APBB2: variants seen among roughly 807,000 people sequenced by gnomAD.
The protein encoded by APBB2 is Fe65-like 1.
In APBB2, 38 loss-of-function variants were observed where a neutral mutation model predicts 82.5. The observed-to-expected ratio is 0.46, with a 90% CI of 0.36 to 0.60. APBB2 has a LOEUF of 0.60. Among genes scored for constraint, APBB2 ranks in the 20% least tolerant of loss-of-function variants. The probability of loss-of-function intolerance (pLI) is 0.00; values close to 1 mark genes in which losing one functional copy is unlikely to be tolerated. For missense variants in APBB2, 772 were observed against 972.3 expected (o/e 0.79, Z 2.74); for synonymous variants, 341 against 368.2 (o/e 0.93, Z 0.85).
chr4:41,111,250 A>G (rs113510842), intron 2 of APBB2, among the ~76,000 whole-genome samples: 125 of 152,320 alleles, frequency 8.2e-4, no homozygotes, highest in Non-Finnish European at 1.4e-3. Flanking sequence ...CCCTGTTCCT[A>G]ACAGACCACA....
At position 40,826,949 on chromosome 4, in the gene APBB2, C is replaced by A; in HGVS notation, c.1732+183G>T. 1 of 579,380 alleles carries A rather than the reference C, an allele frequency of 1.7e-6. No individual in the cohort carries two copies. Among genetic ancestry groups the A allele is most frequent in the Non-Finnish European group, 3.1e-6 (1 of 323,988 alleles). 35.9% of individuals were successfully genotyped at this position (579,380 alleles called of 1,614,324 possible). A position where few individuals can be genotyped will look rare whatever the true frequency, so the allele number is the denominator to read the frequency against. ...AAACTCATCCTGGCTTTATGCCTAA[C>A]CCTAGTGATGCAAAATCAACTCTGT... On this transcript the variant is annotated intron_variant, in intron 14 of 17. Transcript: ENST00000508593. This position sits in a 1 kb window ranked among gnomAD's most constrained non-coding sequence, Gnocchi z 4.5.
chr4:40,935,186 G>GA, intron 7 of APBB2, 47 bp from the exon 8 acceptor site: 3 of 1,157,678 alleles, frequency 2.6e-6, no homozygotes, highest in African/African-American at 1.8e-5. Flanking sequence ...TTGATTTAAA[G>GA]AAAAAGAAAA....
At chr4:41,184,048 C>T (rs1772184207) in intron 1 of APBB2, among the ~76,000 whole-genome samples, 2 of 151,768 alleles carry the variant, frequency 1.3e-5, no homozygotes, top group Non-Finnish European at 1.5e-5. Flanking sequence ...GCATTAGATT[C>T]CCATAAAGAG....
At chr4:41,165,192 G>C (rs541646367) in intron 1 of APBB2, among the ~76,000 whole-genome samples, 1 of 146,494 alleles carries the variant, frequency 6.8e-6, no homozygotes, top group East Asian at 1.9e-4. Flanking sequence ...CCATTGTAGC[G>C]GTGTAGCAAG....
intron 4 of APBB2, among the ~76,000 whole-genome samples, chr4:41,048,469 C>T (rs1027276463): frequency 2.0e-5 from 3 of 152,188 alleles, no homozygotes; most frequent in Non-Finnish European, 4.4e-5. Flanking sequence ...CTTATAACCA[C>T]TCCATGGAGA....
chr4:40,955,310 G>A (rs1791318300), intron 6 of APBB2, among the ~76,000 whole-genome samples: 1 of 152,154 alleles, frequency 6.6e-6, no homozygotes, highest in Non-Finnish European at 1.5e-5. Context: ...TCATGTGGCT[G>A]GAAAAAGACT....
In APBB2 at chr4:40,821,985, G is replaced by A. The variant is rs760354590; in HGVS notation, c.1998C>T (p.Asp666=). 1.9e-6 allele frequency: 3 copies of A among 1,613,994 alleles called. No homozygotes were observed. The highest frequency in any genetic ancestry group is 2.5e-6 in the Non-Finnish European group (3 of 1,180,028). ...RFLSFMGVGK[D]VHTFAFIMDT... ...CCATGATGAAGGCAAATGTGTGGACGTCCTTCCCAACACCCATGAAGGACA... is the reference window on the plus strand; with the variant it reads ...CCATGATGAAGGCAAATGTGTGGACATCCTTCCCAACACCCATGAAGGACA... Residue 666 remains aspartate (D), a synonymous_variant, in exon 17 of 18, where the codon GAC becomes GAT. Coordinates refer to ENST00000508593, the MANE Select transcript of APBB2 (RefSeq NM_004307.2).
intron 6 of APBB2, among the ~76,000 whole-genome samples, chr4:40,955,060 C>T (rs544503907): frequency 3.5e-4 from 53 of 152,272 alleles, no homozygotes; most frequent in African/African-American, 1.2e-3. Context: ...TCTTCTGTAC[C>T]GATGACCTCC....
At chr4:41,101,546 A>C (rs1280497633) in intron 2 of APBB2, among the ~76,000 whole-genome samples, 3 of 151,790 alleles carry the variant, frequency 2.0e-5, no homozygotes, top group African/African-American at 7.3e-5. Context: ...ACAACTTTTA[A>C]ATACTCTTCA....
chr4:40,883,407 C>T (rs12650717), intron 12 of APBB2, among the ~76,000 whole-genome samples: 37,979 of 151,750 alleles, frequency 0.25, 5,518 homozygotes, highest in East Asian at 0.57. Flanking sequence ...ACCAACACGG[C>T]GAAACCCCGC....
At chr4:40,986,571 T>C (rs755781176) in intron 6 of APBB2, among the ~76,000 whole-genome samples, 1 of 152,218 alleles carries the variant, frequency 6.6e-6, no homozygotes, top group Admixed American at 6.5e-5. Flanking sequence ...CTGGATGAGC[T>C]GGGAACGAGG....
chr4:41,017,645 A>C (rs546186320), intron 5 of APBB2, among the ~76,000 whole-genome samples: 3 of 152,134 alleles, frequency 2.0e-5, no homozygotes, highest in Non-Finnish European at 4.4e-5. Flanking sequence ...GTACGAGTTT[A>C]TAACAATAAA....
At chr4:40,913,457 C>T (rs1779066519) in intron 10 of APBB2, among the ~76,000 whole-genome samples, 1 of 152,204 alleles carries the variant, frequency 6.6e-6, no homozygotes, top group African/African-American at 2.4e-5. Flanking sequence ...GCCACTGAGC[C>T]TTGAATAAAG....
chr4:41,071,903 T>C (rs148369979), intron 3 of APBB2, among the ~76,000 whole-genome samples: 1 of 152,206 alleles, frequency 6.6e-6, no homozygotes, highest in African/African-American at 2.4e-5. Flanking sequence ...AACATGACTA[T>C]AAATTACTTG....
intron 6 of APBB2, among the ~76,000 whole-genome samples, chr4:40,955,682 G>A (rs1203518613): frequency 6.6e-6 from 1 of 152,230 alleles, no homozygotes; most frequent in East Asian, 1.9e-4. Context: ...GGAGGCTGAA[G>A]TGGGAGGACT....
chr4:41,078,436 T>A (rs980505321), intron 3 of APBB2, among the ~76,000 whole-genome samples: 3 of 152,228 alleles, frequency 2.0e-5, no homozygotes, highest in African/African-American at 7.2e-5. Context: ...ACCACCCAAC[T>A]GTATAAGACA....
chr4:41,011,754 A>C (rs138908222), intron 6 of APBB2, among the ~76,000 whole-genome samples: 153 of 151,694 alleles, frequency 1.0e-3, no homozygotes, highest in African/African-American at 3.4e-3. Flanking sequence ...TAATATGCGG[A>C]TCTATGACTC....
chr4:40,907,626 C>T (rs1777373266), intron 10 of APBB2, among the ~76,000 whole-genome samples: 1 of 150,250 alleles, frequency 6.7e-6, no homozygotes, highest in Admixed American at 6.7e-5. Context: ...CCACCTTGGC[C>T]TCCCAAAATG....
chr4:40,877,602 G>A (rs551985819), intron 12 of APBB2, among the ~76,000 whole-genome samples: 2 of 152,238 alleles, frequency 1.3e-5, no homozygotes, highest in African/African-American at 4.8e-5. Context: ...TGCCTTAATC[G>A]GTGCTATATA....
Sources: gnomAD v4.1 joint callset for allele counts (sites outside exome capture counted in the v4.1 genomes callset) on GRCh38, gnomAD v4.1.1 for gene constraint, Gnocchi (gnomAD v3.1) non-coding constraint, MANE v1.5 for transcripts, NCBI Gene and HGNC (gene_info 2026-07-23, HGNC 2026-07-21) for gene names.